Variants in P3H2 observed in about 807,000 individuals in gnomAD.
P3H2 encodes the protein leprecan-like 1.
P3H2 carries 80 observed loss-of-function variants against 87.0 expected under a neutral mutation model. That is an observed-to-expected ratio of 0.92 (90% CI 0.77 to 1.11). P3H2 has a LOEUF of 1.11. Among genes scored for constraint, P3H2 ranks in the 50% least tolerant of loss-of-function variants. The pLI, the probability that P3H2 is intolerant of heterozygous loss-of-function variation, is 0.00. For synonymous variants in P3H2, 367 were observed against 359.3 expected, an observed-to-expected ratio of 1.02 and a Z score of -0.24; for missense variants, 1,001 against 923.9, an observed-to-expected ratio of 1.08 and a Z score of -1.08.
chr3:189,965,095 G>A (rs568938107), intron 13 of P3H2, among the ~76,000 whole-genome samples: 40 of 152,322 alleles, frequency 2.6e-4, no homozygotes, highest in Non-Finnish European at 1.8e-4. Flanking sequence ...ATTTTACTAG[G>A]TGAGAACATG....
At chr3:190,092,781 A>C (rs750330606) in intron 1 of P3H2, among the ~76,000 whole-genome samples, 4 of 151,554 alleles carry the variant, frequency 2.6e-5, no homozygotes, top group Non-Finnish European at 4.4e-5. Flanking sequence ...ACAAAGAGGA[A>C]AAGAAGGGGC....
chr3:189,996,604 A>C (rs537505698), intron 1 of P3H2, among the ~76,000 whole-genome samples: 1 of 152,370 alleles, frequency 6.6e-6, no homozygotes, highest in Non-Finnish European at 1.5e-5. Flanking sequence ...GCTAGAAGAA[A>C]GCATTTTTAA....
intron 3 of P3H2, among the ~76,000 whole-genome samples, chr3:189,989,998 T>C (rs562807105): frequency 3.8e-4 from 58 of 152,376 alleles, no homozygotes; most frequent in African/African-American, 1.3e-3. Context: ...CTGAGTGGGT[T>C]CTTTTGAGAA....
intron 1 of P3H2, among the ~76,000 whole-genome samples, chr3:190,064,669 C>T (rs1036667021): frequency 6.6e-6 from 1 of 152,050 alleles, no homozygotes; most frequent in Non-Finnish European, 1.5e-5. Context: ...TGAGGCTTCA[C>T]TGAAGTAACA....
intron 1 of P3H2, among the ~76,000 whole-genome samples, chr3:190,061,485 G>A (rs1726330150): frequency 6.6e-6 from 1 of 152,050 alleles, no homozygotes; most frequent in Non-Finnish European, 1.5e-5. Flanking sequence ...CTAGATGACA[G>A]GAAAGCAGGT....
chr3:189,974,334 G>T, intron 9 of P3H2: 1 of 639,688 alleles, frequency 1.6e-6, no homozygotes, highest in Non-Finnish European at 2.7e-6. Context: ...ATGGCTGTTG[G>T]GCTAGGAAAT....
At chr3:189,989,484 AACC>A (rs772297997) in intron 3 of P3H2, among the ~76,000 whole-genome samples, 5 of 152,194 alleles carry the variant, frequency 3.3e-5, no homozygotes, top group Non-Finnish European at 7.3e-5. Flanking sequence ...TGGAAAAAGA[AACC>A]ACCATGGGCA....
intron 1 of P3H2, among the ~76,000 whole-genome samples, chr3:190,114,189 AT>A (rs199617611): frequency 0.087 from 12,053 of 137,964 alleles, 621 homozygotes; most frequent in African/African-American, 0.15. Context: ...TATTATTATT[AT>A]TTTTTTTTTT....
chr3:190,056,682 G>A (rs759400236), intron 1 of P3H2, among the ~76,000 whole-genome samples: 30 of 152,212 alleles, frequency 2.0e-4, no homozygotes, highest in Non-Finnish European at 4.0e-4. Flanking sequence ...ACTTTGGTGT[G>A]AGGCTGGATA....
At chr3:190,087,201 T>C (rs1484849618) in intron 1 of P3H2, among the ~76,000 whole-genome samples, 1 of 152,190 alleles carries the variant, frequency 6.6e-6, no homozygotes, top group Non-Finnish European at 1.5e-5. Flanking sequence ...TTTCAAATTC[T>C]ATCACTGCTG....
At chr3:190,043,442 T>C (rs1420790551) in intron 1 of P3H2, among the ~76,000 whole-genome samples, 1 of 152,164 alleles carries the variant, frequency 6.6e-6, no homozygotes, top group Non-Finnish European at 1.5e-5. Flanking sequence ...CTTCTTATTC[T>C]CTTTAAACTT....
intron 1 of P3H2, among the ~76,000 whole-genome samples, chr3:190,087,562 A>AC (rs1393695277): frequency 1.3e-5 from 2 of 151,728 alleles, no homozygotes; most frequent in East Asian, 3.9e-4. Flanking sequence ...AAAAAAAAAA[A>AC]ACCATCAAGA....
chr3:189,969,348 C>T, intron 13 of P3H2: 1 of 849,632 alleles, frequency 1.2e-6, no homozygotes, highest in Non-Finnish European at 2.0e-6. Context: ...AACGAGGTCC[C>T]TCAGTTGTGA....
chr3:189,976,239 A>T (rs2108911336), intron 8 of P3H2, among the ~76,000 whole-genome samples: 1 of 152,334 alleles, frequency 6.6e-6, no homozygotes, highest in South Asian at 2.1e-4. Context: ...ACCACGATTA[A>T]TTTTGGCCTT....
Position 190,071,783 on chromosome 3 carries a change from G to C in P3H2, c.480+48469C>G, listed in dbSNP as rs1364268041. On this transcript the variant is annotated intron_variant, in intron 1 of 14. Coordinates refer to ENST00000319332, the MANE Select transcript of P3H2 (RefSeq NM_018192.4). ...TGGTAAGTCTGTTGATCTCAGCTAT[G>C]ATTATAGGTGATCAATAATTGAAAG... Among the ~76,000 whole-genome samples the C allele has an allele frequency of 3.9e-5, 6 of 152,156 alleles. No individual in the cohort carries two copies. In the Middle Eastern group the frequency reaches 0.01, roughly 259 times the overall value.
At chr3:190,118,061 G>A (rs887288414) in intron 1 of P3H2, among the ~76,000 whole-genome samples, 2 of 152,102 alleles carry the variant, frequency 1.3e-5, no homozygotes, top group Non-Finnish European at 1.5e-5. Context: ...ACTTGTTCCT[G>A]TAATCAATTC....
chr3:190,089,247 A>G (rs984872595), intron 1 of P3H2, among the ~76,000 whole-genome samples: 18 of 152,228 alleles, frequency 1.2e-4, no homozygotes, highest in East Asian at 1.9e-4. Flanking sequence ...GAGGGATAGC[A>G]TTAGGAGATA....
upstream of P3H2, among the ~76,000 whole-genome samples, chr3:190,122,006 T>C (rs146780905): frequency 0.011 from 1,556 of 145,108 alleles, 62 homozygotes; most frequent in African/African-American, 0.041. Flanking sequence ...GCAGGATAAT[T>C]GCTTGAACCT....
Position 189,961,161 on chromosome 3 carries a change from G to C in P3H2, c.2034+2797C>G, listed in dbSNP as rs187281716. 4.5e-3 allele frequency among the ~76,000 whole-genome samples: 683 copies of C among 152,076 alleles called. 5 individuals are homozygous for C. Among genetic ancestry groups the C allele is most frequent in the African/African-American group, 0.016 (649 of 41,502 alleles). ...TCGCCATGTTGGCCAGGCTGGTTTC[G>C]AACCCCTGACCTCAGGTGATCTGCC... is the stretch of plus-strand genomic sequence containing the variant. On this transcript the variant is annotated intron_variant, in intron 14 of 14. Transcript: ENST00000319332.
Sources: gnomAD v4.1 joint callset for allele counts (sites outside exome capture counted in the v4.1 genomes callset) on GRCh38, gnomAD v4.1.1 for gene constraint, MANE v1.5 for transcripts, NCBI Gene and HGNC (gene_info 2026-07-23, HGNC 2026-07-21) for gene names.